Variants in ZNF716 observed in about 807,000 individuals in gnomAD.
ZNF716 encodes the protein zinc finger protein 716.
ZNF716 carries 9 observed loss-of-function variants against 13.4 expected under a neutral mutation model. The observed-to-expected ratio is 0.67, with a 90% CI of 0.41 to 1.18. The LOEUF is 1.18. Ranked by LOEUF, ZNF716 falls within the 50% of genes most tolerant of loss-of-function variation. The probability of loss-of-function intolerance (pLI) is 0.01; values close to 1 mark genes in which losing one functional copy is unlikely to be tolerated. For missense variants in ZNF716, 581 were observed against 576.6 expected (o/e 1.01, Z -0.08); for synonymous variants, 186 against 195.2 (o/e 0.95, Z 0.39).
chr7:57,471,193 G>T lies in ZNF716; in HGVS notation c.*1244G>T, dbSNP rs1789929053. On this transcript the variant is annotated 3_prime_UTR_variant, in exon 4 of 4. Coordinates refer to ENST00000420713, the MANE Select transcript of ZNF716 (RefSeq NM_001159279.1). Reference sequence around the variant, plus strand: ...GCACTTTGGGAGCTCATGGCAGGTGGATCATGAGGTCAGGAGTTCAAGACC... The same window carrying T: ...GCACTTTGGGAGCTCATGGCAGGTGTATCATGAGGTCAGGAGTTCAAGACC... 6.6e-6 allele frequency: 1 copy of T among 152,072 alleles called. No homozygotes were observed. Among genetic ancestry groups the T allele is most frequent in the East Asian group, 1.9e-4 (1 of 5,182 alleles). The allele number at this position is 152,072 out of a possible 1,614,324, so 9.4% of individuals were successfully genotyped here. A position where few individuals can be genotyped will look rare whatever the true frequency, so the allele number is the denominator to read the frequency against.
Position 57,468,833 on chromosome 7 carries a change from A to G in ZNF716, c.372A>G (p.Gln124=). The change falls in exon 4 of 4, where the codon CAA becomes CAG. Residue 124 remains glutamine, a synonymous_variant. Coordinates refer to ENST00000420713, the MANE Select transcript of ZNF716 (RefSeq NM_001159279.1). ...RYGKCGQEDL[Q]VKKCCKSVGE... ...GAAAATGTGGACAGGAGGATTTACA[A>G]GTAAAAAAATGCTGTAAAAGTGTAG... is the stretch of plus-strand genomic sequence containing the variant. The G allele has an allele frequency of 1.2e-6, 2 of 1,613,762 alleles. No individual in the cohort carries two copies. The highest frequency in any genetic ancestry group is 1.7e-6 in the Non-Finnish European group (2 of 1,179,852).
Position 57,463,065 on chromosome 7 carries a change from T to C in ZNF716, c.167-8T>C, listed in dbSNP as rs782641115. The C allele has an allele frequency of 6.2e-7, 1 of 1,607,634 alleles. No individual in the cohort carries two copies. The highest frequency in any genetic ancestry group is 8.5e-7 in the Non-Finnish European group (1 of 1,179,442). ...ATTTATGTTACTTTTTTTTCCTTAA[T>C]AAAACAGGTATTGCTGTCTCTAAGC... On this transcript the variant is annotated splice_region_variant and splice_polypyrimidine_tract_variant and intron_variant, in intron 2 of 3. Coordinates refer to ENST00000420713, the MANE Select transcript of ZNF716 (RefSeq NM_001159279.1).
intron 1 of ZNF716, among the ~76,000 whole-genome samples, chr7:57,456,005 G>T (rs1789581154): frequency 6.6e-6 from 1 of 151,650 alleles, no homozygotes; most frequent in African/African-American, 2.4e-5. Flanking sequence ...ACCCAGGCTG[G>T]AATGCAGTGG....
intron 3 of ZNF716, among the ~76,000 whole-genome samples, chr7:57,466,091 C>T (rs1228923913): frequency 2.6e-5 from 4 of 151,816 alleles, no homozygotes; most frequent in African/African-American, 9.7e-5. Flanking sequence ...TGCTAGATGA[C>T]GAGTTACTGG....
At chr7:57,451,906 A>G (rs1789504704) in intron 1 of ZNF716, among the ~76,000 whole-genome samples, 1 of 151,696 alleles carries the variant, frequency 6.6e-6, no homozygotes, top group African/African-American at 2.4e-5. Context: ...AGCTGGGATT[A>G]CAGGCCTACA....
rs372452614 is a variant in ZNF716, at chr7:57,460,184, G to A, written c.40-2276G>A. On this transcript the variant is annotated intron_variant, in intron 1 of 3. Coordinates refer to ENST00000420713, the MANE Select transcript of ZNF716 (RefSeq NM_001159279.1). ...GGGCAGATCATGAGGTTTGGAGTTCGAGACGAGCCTGACCAGCCTGACCAA... is the reference window on the plus strand; with the variant it reads ...GGGCAGATCATGAGGTTTGGAGTTCAAGACGAGCCTGACCAGCCTGACCAA... Among the ~76,000 whole-genome samples, 30 of 152,068 alleles carry A rather than the reference G, an allele frequency of 2.0e-4. 1 individual carries two copies. Among genetic ancestry groups the A allele is most frequent in the African/African-American group, 6.7e-4 (28 of 41,496 alleles).
chr7:57,472,290 C>T lies in ZNF716; in HGVS notation c.*2341C>T, dbSNP rs1789957098. 2 of 152,204 alleles carry T rather than the reference C, an allele frequency of 1.3e-5. No homozygotes were observed. The highest frequency in any genetic ancestry group is 4.8e-5 in the African/African-American group (2 of 41,528). The allele number at this position is 152,204 out of a possible 1,614,324, so 9.4% of individuals were successfully genotyped here. A position where few individuals can be genotyped will look rare whatever the true frequency, so the allele number is the denominator to read the frequency against. ...GTAGTAAATTATTTTATCAATTGTA[C>T]CTTTATGTAAACAAAGTTGTTTTTA... On this transcript the variant is annotated 3_prime_UTR_variant, in exon 4 of 4. Coordinates refer to ENST00000420713, the MANE Select transcript of ZNF716 (RefSeq NM_001159279.1).
At chr7:57,461,344 C>A (rs1426989556) in intron 1 of ZNF716, among the ~76,000 whole-genome samples, 3 of 152,146 alleles carry the variant, frequency 2.0e-5, no homozygotes, top group African/African-American at 7.2e-5. Flanking sequence ...GATGTTGCGT[C>A]CTGTGTGCAT....
intron 1 of ZNF716, among the ~76,000 whole-genome samples, chr7:57,450,891 G>T (rs1005981686): frequency 2.0e-5 from 3 of 152,150 alleles, no homozygotes; most frequent in Admixed American, 1.3e-4. Context: ...TAATTGGTTT[G>T]GTACAGTTAG....
At chr7:57,464,661 C>G (rs1789773883) in intron 3 of ZNF716, among the ~76,000 whole-genome samples, 1 of 152,012 alleles carries the variant, frequency 6.6e-6, no homozygotes. Context: ...GAAAATGGTG[C>G]CAAGACCAAT....
chr7:57,455,738 A>G (rs1368387789), intron 1 of ZNF716, among the ~76,000 whole-genome samples: 8 of 152,044 alleles, frequency 5.3e-5, no homozygotes, highest in South Asian at 2.1e-4. Context: ...GGTTGGTCTC[A>G]AACTCCTGAC....
chr7:57,450,231 C>T lies in ZNF716; in HGVS notation c.-58C>T. 1 of 1,611,936 alleles carries T rather than the reference C, an allele frequency of 6.2e-7. No individual in the cohort carries two copies. The highest frequency in any genetic ancestry group is 1.1e-5 in the South Asian group (1 of 90,942). ...GTCCTTCTCTTCACTGCTCTGCGTC[C>T]TCTGCTCCTGGAGGCCAAGCCTCTG... On this transcript the variant is annotated 5_prime_UTR_variant, in exon 1 of 4. Coordinates refer to ENST00000420713, the MANE Select transcript of ZNF716 (RefSeq NM_001159279.1).
At chr7:57,460,922 C>T (rs538998298) in intron 1 of ZNF716, among the ~76,000 whole-genome samples, 15 of 151,996 alleles carry the variant, frequency 9.9e-5, no homozygotes, top group Non-Finnish European at 2.2e-4. Context: ...TTAAAAATTA[C>T]AGGCAGGGAA....
chr7:57,467,508 T>C (rs1423778126), intron 3 of ZNF716, among the ~76,000 whole-genome samples: 3 of 148,566 alleles, frequency 2.0e-5, no homozygotes, highest in Admixed American at 1.4e-4. Flanking sequence ...ACCATGAAGA[T>C]TTTTTTTCAG....
chr7:57,453,501 A>G (rs1354934435), intron 1 of ZNF716, among the ~76,000 whole-genome samples: 2 of 152,226 alleles, frequency 1.3e-5, no homozygotes, highest in Admixed American at 6.5e-5. Flanking sequence ...CAAAGGGCAT[A>G]AAAGAGGGAA....
chr7:57,455,611 G>A (rs1789571677), intron 1 of ZNF716, among the ~76,000 whole-genome samples: 1 of 151,920 alleles, frequency 6.6e-6, no homozygotes, highest in African/African-American at 2.4e-5. Context: ...CCACCTCCTG[G>A]ATTCAAGCAA....
rs1789460376 is a variant in ZNF716 at position 57,450,208 on chromosome 7, C to G, written c.-81C>G. On this transcript the variant is annotated 5_prime_UTR_variant, in exon 1 of 4. Coordinates refer to ENST00000420713, the MANE Select transcript of ZNF716 (RefSeq NM_001159279.1). ...GCTTCTCTGCGCCCAGAGCTCCAGT[C>G]CTTCTCTTCACTGCTCTGCGTCCTC... is the stretch of plus-strand genomic sequence containing the variant. 4.4e-6 allele frequency: 7 copies of G among 1,600,086 alleles called. No individual in the cohort carries two copies. The highest frequency in any genetic ancestry group is 3.4e-5 in the Admixed American group (2 of 58,480).
intron 1 of ZNF716, among the ~76,000 whole-genome samples, chr7:57,457,519 A>G (rs1789619783): frequency 2.0e-5 from 3 of 151,878 alleles, no homozygotes; most frequent in African/African-American, 7.3e-5. Context: ...TAATTTTTGT[A>G]TTTTTAATAG....
chr7:57,468,412 A>C (rs1789851699), intron 3 of ZNF716, among the ~76,000 whole-genome samples: 2 of 152,160 alleles, frequency 1.3e-5, no homozygotes, highest in Non-Finnish European at 2.9e-5. Context: ...TCCTAAAGAC[A>C]CCATGTTCTT....
Sources: gnomAD v4.1 joint callset for allele counts (sites outside exome capture counted in the v4.1 genomes callset) on GRCh38, gnomAD v4.1.1 for gene constraint, MANE v1.5 for transcripts, NCBI Gene and HGNC (gene_info 2026-07-23, HGNC 2026-07-21) for gene names.